UTP20: variants seen among roughly 807,000 people sequenced by gnomAD.
UTP20 encodes the protein small subunit processome component 20 homolog.
Under a neutral mutation model 329.5 loss-of-function variants are expected in UTP20, and 164 were observed. The ratio of observed to expected loss-of-function variants is 0.50; its 90% CI spans 0.44 to 0.57. The LOEUF is 0.57. Ranked by LOEUF, UTP20 falls within the 20% of genes least tolerant of loss-of-function variation. UTP20 has a pLI of 0.00. For synonymous variants in UTP20, 1,151 were observed against 1,159.3 expected (o/e 0.99, Z 0.14); for missense variants, 3,055 against 3,284.2 (o/e 0.93, Z 1.71).
chr12:101,367,803 C>A, intron 47 of UTP20, 57 bp from the exon 48 acceptor site: 2 of 1,025,734 alleles, frequency 1.9e-6, no homozygotes, highest in Non-Finnish European at 3.0e-6. Flanking sequence ...TCACATTTAC[C>A]TAACTCATCT....
Position 101,309,800 on chromosome 12 carries a change from A to T in UTP20, c.2192A>T (p.Asn731Ile). Residue 731 changes from asparagine to isoleucine, a missense_variant, in exon 19 of 62, where the codon AAT becomes ATT. Asn to Ile is a moderately radical substitution (Grantham distance 149). Transcript: ENST00000261637. Reference sequence around the variant, plus strand: ...TATTTGTTAGGCATGCTATATATTAATTTCAGTGCACTCTGGGATCCTGTT... The same window carrying T: ...TATTTGTTAGGCATGCTATATATTATTTTCAGTGCACTCTGGGATCCTGTT... ...LRYLLGMLYI[N>I]FSALWDPVIE... 6.2e-7 allele frequency: 1 copy of T among 1,613,734 alleles called. No individual in the cohort carries two copies. The highest frequency in any genetic ancestry group is 8.5e-7 in the Non-Finnish European group (1 of 1,179,978).
rs752898415 is a variant in UTP20, at chr12:101,319,616, T to C, written c.2810T>C (p.Leu937Pro). 16 of 1,604,624 alleles carry C rather than the reference T, an allele frequency of 1.0e-5. No homozygotes were observed. The highest frequency in any genetic ancestry group is 1.4e-5 in the Non-Finnish European group (16 of 1,178,092). ...CGGGCCTTATATCTGGAATCCAAAC[T>C]ATATGAGTTATATCTTCAGGTCAGT... The part of the protein sequence containing the change: ...NPRALYLESK[L>P]YELYLQLLLH... The change falls in exon 23 of 62, where the codon CTA becomes CCA. Residue 937 changes from leucine (L) to proline (P), a missense_variant. By Grantham distance (98) the Leu-to-Pro change is moderately conservative. Around this residue, in one of 3 missense-constraint regions of UTP20, gnomAD observed 2,445 missense variants for 2,575.5 expected, o/e 0.95. Transcript: ENST00000261637.
intron 2 of UTP20, among the ~76,000 whole-genome samples, chr12:101,282,949 A>G (rs929963778): frequency 6.6e-6 from 1 of 152,222 alleles, no homozygotes; most frequent in Non-Finnish European, 1.5e-5. Context: ...TTAAGGCTGA[A>G]TGGTTGAGGA....
At position 101,340,647 on chromosome 12, in the gene UTP20, G is replaced by A. The variant is rs770513539; in HGVS notation, c.4101+37G>A. Reference sequence around the variant, plus strand: ...TAGGACACTTAACTTTGTCTCTAGAGTGGCACTTTATCACTAGGTTTAATT... The same window carrying A: ...TAGGACACTTAACTTTGTCTCTAGAATGGCACTTTATCACTAGGTTTAATT... On this transcript the variant is annotated intron_variant, in intron 32 of 61. Transcript: ENST00000261637. 4.3e-6 allele frequency: 6 copies of A among 1,390,916 alleles called. No individual in the cohort carries two copies. In the African/African-American group the frequency reaches 7.1e-5, roughly 17 times the overall value. 86.2% of individuals were successfully genotyped at this position (1,390,916 alleles called of 1,614,324 possible).
chr12:101,288,260 C>T (rs747851185), intron 5 of UTP20, among the ~76,000 whole-genome samples: 21 of 152,188 alleles, frequency 1.4e-4, no homozygotes, highest in Non-Finnish European at 3.1e-4. Flanking sequence ...CTATTAGGTA[C>T]TGGGGTTATG....
At chr12:101,342,713 G>C in intron 33 of UTP20, 74 bp from the exon 34 acceptor site, 5 of 1,539,512 alleles carry the variant, frequency 3.2e-6, no homozygotes, top group Non-Finnish European at 3.6e-6. Flanking sequence ...AATGGGGACA[G>C]GTAGCTGAGG....
intron 32 of UTP20, 83 bp downstream of exon 32, chr12:101,340,693 C>A: frequency 1.2e-6 from 1 of 859,428 alleles, no homozygotes; most frequent in Admixed American, 2.3e-5. Context: ...ATTTTACTGG[C>A]TAGATTTTGT....
At chr12:101,293,305 C>T in intron 11 of UTP20, 60 bp downstream of exon 11, 1 of 1,480,344 alleles carries the variant, frequency 6.8e-7, no homozygotes, top group East Asian at 2.3e-5. Context: ...AAAAAACGAT[C>T]AAATTTGAAA....
chr12:101,334,535 A>G (rs751150475), intron 29 of UTP20, 31 bp downstream of exon 29: 2 of 1,582,678 alleles, frequency 1.3e-6, no homozygotes, highest in South Asian at 1.1e-5. Flanking sequence ...TTCTTTAAAA[A>G]GGGCAGTGTT....
intron 29 of UTP20, among the ~76,000 whole-genome samples, chr12:101,335,459 T>C (rs1215412956): frequency 6.6e-6 from 1 of 152,352 alleles, no homozygotes; most frequent in East Asian, 1.9e-4. Flanking sequence ...TATCATTTTC[T>C]GCATGCTTGC....
At chr12:101,324,156 T>A (rs61413082) in intron 25 of UTP20, among the ~76,000 whole-genome samples, 40,889 of 93,380 alleles carry the variant, frequency 0.44, 7,700 homozygotes, top group East Asian at 0.69. Context: ...AAAAAATAAA[T>A]AAATAAATAA....
Position 101,381,187 on chromosome 12 carries a change from C to T in UTP20, c.7632C>T (p.Phe2544=). 2 of 1,613,898 alleles carry T rather than the reference C, an allele frequency of 1.2e-6. No homozygotes were observed. Among genetic ancestry groups the T allele is most frequent in the South Asian group, 1.1e-5 (1 of 91,078 alleles). The change falls in exon 58 of 62, where the codon TTC becomes TTT. Residue 2544 remains phenylalanine, a synonymous_variant. Coordinates refer to ENST00000261637, the MANE Select transcript of UTP20 (RefSeq NM_014503.3). The part of the protein sequence containing the change: ...LASCHQLHSK[F]LDQSLGEQVV... ...CTTGCCATCAATTGCATTCCAAATT[C>T]TTGGATCAGTCTCTAGGAGAACAGG...
chr12:101,373,015 C>A, intron 52 of UTP20, 52 bp downstream of exon 52: 1 of 1,463,724 alleles, frequency 6.8e-7, no homozygotes, highest in South Asian at 1.1e-5. Context: ...TCTTCTTTCC[C>A]TTTAACATGG....
At chr12:101,302,586 G>A in intron 15 of UTP20, 33 bp downstream of exon 15, 1 of 1,396,130 alleles carries the variant, frequency 7.2e-7, no homozygotes, top group Non-Finnish European at 9.9e-7. Context: ...GTTTAGTAAT[G>A]AATAAAATAT....
intron 58 of UTP20, among the ~76,000 whole-genome samples, chr12:101,381,689 G>A (rs917096061): frequency 2.0e-5 from 3 of 151,938 alleles, no homozygotes; most frequent in African/African-American, 7.3e-5. Context: ...GTCAACACTG[G>A]GTCTGTATTG....
At chr12:101,366,522 G>A (rs749951983) in intron 46 of UTP20, 36 bp from the exon 47 acceptor site, 1 of 1,584,868 alleles carries the variant, frequency 6.3e-7, no homozygotes, top group Non-Finnish European at 8.6e-7. Flanking sequence ...AGCTGACAGT[G>A]TTCTTTACCC....
intron 32 of UTP20, 76 bp downstream of exon 32, chr12:101,340,686 T>C (rs898925183): frequency 3.4e-6 from 3 of 891,932 alleles, no homozygotes; most frequent in Non-Finnish European, 5.4e-6. Context: ...AGCAGCAATT[T>C]TACTGGCTAG....
intron 24 of UTP20, among the ~76,000 whole-genome samples, 177 bp downstream of exon 24, chr12:101,321,114 A>T (rs1227800577): frequency 6.6e-6 from 1 of 152,224 alleles, no homozygotes; most frequent in Non-Finnish European, 1.5e-5. Context: ...GTTGTTCTCC[A>T]TGATACTAAA....
rs1177888654 is a variant in UTP20, at chr12:101,355,341, A to G, written c.5394+223A>G. 2.6e-5 allele frequency among the ~76,000 whole-genome samples: 4 copies of G among 152,330 alleles called. 1 individual carries two copies. The highest frequency in any genetic ancestry group is 5.9e-5 in the Non-Finnish European group (4 of 68,030). On this transcript the variant is annotated intron_variant, in intron 41 of 61. Coordinates refer to ENST00000261637, the MANE Select transcript of UTP20 (RefSeq NM_014503.3). ...CTTCTTTATGATTTTGATAGGGTAG[A>G]TAAATGCTTTTCCATCTCCAAAGTA...
Sources: allele counts gnomAD v4.1 joint callset (sites outside exome capture counted in the v4.1 genomes callset), GRCh38; gene constraint gnomAD v4.1.1; regional missense constraint gnomAD v4.1.1; transcripts MANE v1.5; gene names NCBI Gene and HGNC (gene_info 2026-07-23, HGNC 2026-07-21).